SPOCK3: variants seen among roughly 807,000 people sequenced by gnomAD.
The protein encoded by SPOCK3 is SPARC (osteonectin), cwcv and kazal like domains proteoglycan 3.
Under a neutral mutation model 56.6 loss-of-function variants are expected in SPOCK3, and 30 were observed. The ratio of observed to expected loss-of-function variants is 0.53; its 90% CI spans 0.40 to 0.72. The LOEUF is 0.72. Among genes scored for constraint, SPOCK3 ranks in the 30% least tolerant of loss-of-function variants. The pLI, the probability that SPOCK3 is intolerant of heterozygous loss-of-function variation, is 0.00. For missense variants in SPOCK3, 527 were observed against 530.0 expected (o/e 0.99, Z 0.06); for synonymous variants, 196 against 183.3 (o/e 1.07, Z -0.56).
At chr4:166,814,968 A>G (rs1355149296) in intron 6 of SPOCK3, among the ~76,000 whole-genome samples, 1 of 152,086 alleles carries the variant, frequency 6.6e-6, no homozygotes, top group East Asian at 1.9e-4. Flanking sequence ...GATGGCTGAT[A>G]TCATTGCTAC....
intron 8 of SPOCK3, among the ~76,000 whole-genome samples, chr4:166,750,308 T>G (rs1206668180): frequency 6.6e-6 from 1 of 152,102 alleles, no homozygotes; most frequent in Non-Finnish European, 1.5e-5. Flanking sequence ...CTAATTGCAT[T>G]AAAGTTTGGA....
In SPOCK3 at chr4:166,814,982, T is replaced by G. The variant is rs189384259; in HGVS notation, c.590-22693A>C. On this transcript the variant is annotated intron_variant, in intron 6 of 10. Coordinates refer to ENST00000357545, the MANE Select transcript of SPOCK3 (RefSeq NM_001040159.2). ...TGATGGCTGATATCATTGCTACAAA[T>G]GTGTCTTGAACCTGATGGAGCTTAT... Among the ~76,000 whole-genome samples the G allele has an allele frequency of 1.6e-3, 248 of 152,194 alleles. 2 individuals carry two copies. The highest frequency in any genetic ancestry group is 5.8e-3 in the African/African-American group (243 of 41,562).
intron 5 of SPOCK3, among the ~76,000 whole-genome samples, chr4:166,890,053 T>C (rs1308469973): frequency 6.6e-6 from 1 of 151,918 alleles, no homozygotes; most frequent in Non-Finnish European, 1.5e-5. Context: ...TTGGAATAAA[T>C]GTGCATTTGT....
At chr4:167,105,381 T>C (rs933600290) in intron 2 of SPOCK3, among the ~76,000 whole-genome samples, 1 of 151,096 alleles carries the variant, frequency 6.6e-6, no homozygotes, top group Non-Finnish European at 1.5e-5. Flanking sequence ...TTGTTTTCAG[T>C]TTAAAATAAT....
intron 10 of SPOCK3, among the ~76,000 whole-genome samples, chr4:166,735,934 ATAAC>A (rs34393474): frequency 0.32 from 49,074 of 151,676 alleles, 8,065 homozygotes; most frequent in Admixed American, 0.41. Flanking sequence ...TATTTTAAAA[ATAAC>A]TATTAACACT....
chr4:167,224,609 A>T (rs2111133305), intron 2 of SPOCK3, among the ~76,000 whole-genome samples: 1 of 152,258 alleles, frequency 6.6e-6, no homozygotes, highest in South Asian at 2.1e-4. Context: ...AAATGTTCAA[A>T]CTTAACAAAA....
At chr4:167,014,996 A>T (rs1750474635) in intron 3 of SPOCK3, among the ~76,000 whole-genome samples, 1 of 151,970 alleles carries the variant, frequency 6.6e-6, no homozygotes, top group South Asian at 2.1e-4. Flanking sequence ...GTAATATAAG[A>T]ATATTAAAAG....
intron 4 of SPOCK3, among the ~76,000 whole-genome samples, chr4:166,931,949 T>C (rs371673171): frequency 1.3e-5 from 2 of 152,326 alleles, no homozygotes; most frequent in East Asian, 3.9e-4. Flanking sequence ...GTGACACTTC[T>C]CCTGTGTCCT....
At chr4:166,946,951 G>C (rs1029773791) in intron 4 of SPOCK3, among the ~76,000 whole-genome samples, 10 of 152,112 alleles carry the variant, frequency 6.6e-5, no homozygotes, top group South Asian at 6.2e-4. Flanking sequence ...TTTGATTTAA[G>C]ATGGACAATA....
intron 2 of SPOCK3, among the ~76,000 whole-genome samples, chr4:167,088,649 G>C (rs1247058360): frequency 1.3e-5 from 2 of 151,784 alleles, no homozygotes; most frequent in Non-Finnish European, 2.9e-5. Context: ...ATTTTTAGTA[G>C]AGATGGGATT....
At position 167,220,841 on chromosome 4, in the gene SPOCK3, T is replaced by C. The variant is rs115301329; in HGVS notation, c.189+13144A>G. Among the ~76,000 whole-genome samples the C allele has an allele frequency of 3.8e-3, 576 of 152,304 alleles. 2 individuals are homozygous for C. The highest frequency in any genetic ancestry group is 0.013 in the African/African-American group (536 of 41,582). ...ACATTACTATTTGAACAGTATGTGATTTGAAACTACTGACATTTGTAAGAC... is the reference window on the plus strand; with the variant it reads ...ACATTACTATTTGAACAGTATGTGACTTGAAACTACTGACATTTGTAAGAC... On this transcript the variant is annotated intron_variant, in intron 2 of 10. Coordinates refer to ENST00000357545, the MANE Select transcript of SPOCK3 (RefSeq NM_001040159.2).
intron 6 of SPOCK3, among the ~76,000 whole-genome samples, chr4:166,829,730 A>G (rs776512027): frequency 5.9e-5 from 9 of 152,108 alleles, no homozygotes; most frequent in Non-Finnish European, 4.4e-5. Context: ...CAGATAGATA[A>G]TATTGTCTTA....
chr4:166,862,190 A>G (rs1731305362), intron 6 of SPOCK3, among the ~76,000 whole-genome samples: 1 of 152,098 alleles, frequency 6.6e-6, no homozygotes, highest in Non-Finnish European at 1.5e-5. Context: ...AGAAGCCTAG[A>G]AAATAAGTGC....
chr4:166,851,081 G>T (rs1250982272), intron 6 of SPOCK3, among the ~76,000 whole-genome samples: 1 of 152,220 alleles, frequency 6.6e-6, no homozygotes, highest in Admixed American at 6.5e-5. Flanking sequence ...TGACAGCTTT[G>T]AAGAGAGCAG....
chr4:166,751,772 G>T (rs1377310093), intron 8 of SPOCK3, among the ~76,000 whole-genome samples: 1 of 152,034 alleles, frequency 6.6e-6, no homozygotes, highest in African/African-American at 2.4e-5. Flanking sequence ...AGTAAAAGTA[G>T]ACATACTTTT....
intron 2 of SPOCK3, among the ~76,000 whole-genome samples, chr4:167,208,667 G>A (rs924145330): frequency 6.6e-6 from 1 of 151,784 alleles, no homozygotes; most frequent in Non-Finnish European, 1.5e-5. Flanking sequence ...TTTACCACCT[G>A]ATGATAGTAA....
At chr4:166,842,138 T>C (rs748799093) in intron 6 of SPOCK3, among the ~76,000 whole-genome samples, 3 of 152,300 alleles carry the variant, frequency 2.0e-5, no homozygotes, top group Admixed American at 6.5e-5. Flanking sequence ...GTGAGTGTTA[T>C]AGCTCATAGA....
chr4:166,943,365 A>G (rs1741339515), intron 4 of SPOCK3, among the ~76,000 whole-genome samples: 1 of 152,206 alleles, frequency 6.6e-6, no homozygotes, highest in African/African-American at 2.4e-5. Context: ...AGCCATGCAT[A>G]TCTTCTGCAG....
At chr4:167,110,258 G>A (rs909484545) in intron 2 of SPOCK3, among the ~76,000 whole-genome samples, 1 of 151,914 alleles carries the variant, frequency 6.6e-6, no homozygotes, top group African/African-American at 2.4e-5. Context: ...TTTCTTTCTT[G>A]AAGCAGAAAT....
Sources: allele counts gnomAD v4.1 joint callset (sites outside exome capture counted in the v4.1 genomes callset), GRCh38; gene constraint gnomAD v4.1.1; transcripts MANE v1.5; gene names NCBI Gene and HGNC (gene_info 2026-07-23, HGNC 2026-07-21).